Variants in TEKT1 observed in about 807,000 individuals in gnomAD.
TEKT1 encodes tektin-1.
TEKT1 carries 32 observed loss-of-function variants against 34.8 expected under a neutral mutation model. The observed-to-expected ratio is 0.92, with a 90% CI of 0.69 to 1.23. TEKT1 has a LOEUF of 1.23. Ranked by LOEUF, TEKT1 falls within the 50% of genes most tolerant of loss-of-function variation. The pLI, the probability that TEKT1 is intolerant of heterozygous loss-of-function variation, is 0.00. For missense variants in TEKT1, 492 were observed against 518.5 expected, an observed-to-expected ratio of 0.95 and a Z score of 0.50; for synonymous variants, 207 against 199.8, an observed-to-expected ratio of 1.04 and a Z score of -0.30.
chr17:6,808,163 A>C (rs1232112051), intron 6 of TEKT1, among the ~76,000 whole-genome samples: 2 of 152,176 alleles, frequency 1.3e-5, no homozygotes, highest in Non-Finnish European at 2.9e-5. Flanking sequence ...AGCCTCAGCA[A>C]TGACAGGCAC....
chr17:6,806,185 C>T lies in TEKT1; in HGVS notation c.853-5242G>A, dbSNP rs1308917685. ...CTGCATATATATTTAGGATAGTTAG[C>T]TCTTCTTGTTGAATTGATCCCTTTA... On this transcript the variant is annotated intron_variant, in intron 6 of 7. Transcript: ENST00000338694. 2.6e-5 allele frequency among the ~76,000 whole-genome samples: 4 copies of T among 152,268 alleles called. No homozygotes were observed. In the East Asian group the frequency reaches 7.7e-4, roughly 29 times the overall value.
chr17:6,813,054 C>A lies in TEKT1; in HGVS notation c.630-1G>T, dbSNP rs1976950841. 1.2e-6 allele frequency: 2 copies of A among 1,612,310 alleles called. No homozygotes were observed. The highest frequency in any genetic ancestry group is 1.7e-6 in the Non-Finnish European group (2 of 1,179,004). ...CAACCAGTCTTCCAGACTCACGGAG[C>A]TGAAACAGACCTCACGCTTTCATTC... On this transcript the variant is annotated splice_acceptor_variant, in intron 5 of 7. Coordinates refer to ENST00000338694, the MANE Select transcript of TEKT1 (RefSeq NM_053285.2). LOFTEE classifies it high-confidence loss of function.
chr17:6,830,155 T>C (rs372545795), intron 2 of TEKT1, 32 bp downstream of exon 2: 4 of 1,590,546 alleles, frequency 2.5e-6, no homozygotes, highest in South Asian at 1.2e-5. Flanking sequence ...CATCCTAGCA[T>C]GTTCACGAAT....
At chr17:6,817,155 C>T (rs1319565822) in intron 3 of TEKT1, among the ~76,000 whole-genome samples, 2 of 152,112 alleles carry the variant, frequency 1.3e-5, no homozygotes, top group African/African-American at 4.8e-5. Context: ...GCAGGTGGAT[C>T]GCCTGAGGTC....
intron 2 of TEKT1, among the ~76,000 whole-genome samples, chr17:6,828,700 G>A (rs1305872917): frequency 6.6e-6 from 1 of 152,074 alleles, no homozygotes; most frequent in African/African-American, 2.4e-5. Context: ...CCTATAGATA[G>A]TCGAGTTGGT....
chr17:6,800,637 T>C, intron 7 of TEKT1, 110 bp downstream of exon 7: 1 of 1,345,046 alleles, frequency 7.4e-7, no homozygotes, highest in Admixed American at 2.3e-5. Context: ...CCTCAAGCAT[T>C]CCAGAGCAGG....
In TEKT1 at chr17:6,819,323, C is replaced by G; in HGVS notation, c.226G>C (p.Glu76Gln). 1 of 1,613,978 alleles carries G rather than the reference C, an allele frequency of 6.2e-7. No homozygotes were observed. Among genetic ancestry groups the G allele is most frequent in the Non-Finnish European group, 8.5e-7 (1 of 1,179,944 alleles). ...AGCTGCTCAAGTTTGTCATCTAACTCCTTCTTCCAGAACTGGACTTCCTCG... is the reference window on the plus strand; with the variant it reads ...AGCTGCTCAAGTTTGTCATCTAACTGCTTCTTCCAGAACTGGACTTCCTCG... Reference protein sequence around the residue: ...RLEEVQFWKKELDDKLEQLVN... With the variant: ...RLEEVQFWKKQLDDKLEQLVN... Residue 76 changes from glutamate (E) to glutamine (Q), a missense_variant, in exon 3 of 8, where the codon GAG becomes CAG. By Grantham distance (29) the Glu-to-Gln change is conservative. Transcript: ENST00000338694.
chr17:6,800,920 C>G lies in TEKT1; in HGVS notation c.876G>C (p.Gln292His), dbSNP rs553126193. 8.1e-6 allele frequency: 13 copies of G among 1,613,808 alleles called. No homozygotes were observed. The East Asian group carries it at 1.1e-4, about 14-fold the overall frequency. ...TTTCAAGAGCTGTAATATTTTTCTC[C>G]TGGGAAGCAATCTCTTCCATGACCT... The part of the protein sequence containing the change: ...LAKVMEEIAS[Q>H]EKNITALEKA... The change falls in exon 7 of 8, where the codon CAG becomes CAC. Residue 292 changes from glutamine to histidine, a missense_variant. Transcript: ENST00000338694.
intron 2 of TEKT1, among the ~76,000 whole-genome samples, chr17:6,824,309 C>T (rs1395809664): frequency 1.3e-5 from 2 of 152,258 alleles, no homozygotes; most frequent in Non-Finnish European, 1.5e-5. Context: ...TGATTTCTGG[C>T]GTTACTTCTT....
chr17:6,800,338 G>T, intron 7 of TEKT1, 104 bp from the exon 8 acceptor site: 1 of 897,264 alleles, frequency 1.1e-6, no homozygotes, highest in Non-Finnish European at 1.7e-6. Context: ...AAATTGATAT[G>T]TGCTCTTCCC....
chr17:6,812,305 G>T (rs774339581), intron 6 of TEKT1, among the ~76,000 whole-genome samples: 2 of 152,002 alleles, frequency 1.3e-5, no homozygotes, highest in Non-Finnish European at 2.9e-5. Flanking sequence ...TCTTTACGGT[G>T]GTGTGAAAGT....
At chr17:6,831,329 C>A (rs1472403211) in intron 1 of TEKT1, among the ~76,000 whole-genome samples, 2 of 152,160 alleles carry the variant, frequency 1.3e-5, no homozygotes, top group Non-Finnish European at 2.9e-5. Flanking sequence ...CTCTTAGGGG[C>A]CTCTGGATCT....
chr17:6,799,998 T>C lies in TEKT1; in HGVS notation c.*29A>G, dbSNP rs1286975315. On this transcript the variant is annotated 3_prime_UTR_variant, in exon 8 of 8. Transcript: ENST00000338694. ...ACTGTAACTACTGTTTACAATGTGG[T>C]TTAATGAGAATTGGAACTAGCCCTA... 1.3e-6 allele frequency: 2 copies of C among 1,587,364 alleles called. No homozygotes were observed. Among genetic ancestry groups the C allele is most frequent in the Admixed American group, 1.7e-5 (1 of 58,944 alleles).
chr17:6,811,630 C>A lies in TEKT1; in HGVS notation c.852+1201G>T, dbSNP rs1976928956. Among the ~76,000 whole-genome samples, 1 of 152,120 alleles carries A rather than the reference C, an allele frequency of 6.6e-6. No homozygotes were observed. Among genetic ancestry groups the A allele is most frequent in the South Asian group, 2.1e-4 (1 of 4,822 alleles). Reference sequence around the variant, plus strand: ...TCTCCAGCACATCACAGAAATAAATCTTGTCCACAACTGGACTCTGAGCTC... The same window carrying A: ...TCTCCAGCACATCACAGAAATAAATATTGTCCACAACTGGACTCTGAGCTC... On this transcript the variant is annotated intron_variant, in intron 6 of 7. Transcript: ENST00000338694. The surrounding 1 kb of genome is among the most constrained non-coding windows in gnomAD (Gnocchi z 4.4).
rs111325160 is a variant in TEKT1 at position 6,826,900 on chromosome 17, C to T, written c.190+3287G>A. ...TTAGTAGAGATGGAGTTTCACCATG[C>T]TAGCCAGGATGGTCTCGCTGTCCTG... On this transcript the variant is annotated intron_variant, in intron 2 of 7. Coordinates refer to ENST00000338694, the MANE Select transcript of TEKT1 (RefSeq NM_053285.2). 5.9e-3 allele frequency among the ~76,000 whole-genome samples: 900 copies of T among 152,074 alleles called. 9 individuals are homozygous for T. The highest frequency in any genetic ancestry group is 0.032 in the East Asian group (163 of 5,160).
rs767259642 is a variant in TEKT1 at position 6,815,235 on chromosome 17, T to C, written c.557A>G (p.Asp186Gly). Residue 186 changes from aspartate (D) to glycine (G), a missense_variant, in exon 5 of 8, where the codon GAT (aspartate) becomes GGT (glycine). Physicochemically the swap from Asp to Gly is moderately conservative, Grantham distance 94. Transcript: ENST00000338694. ...KDKFVALTID[D>G]ICFSLNNNSP... ...GTTGTTGTTGAGCGAGAAGCAGATATCATCTATGGTCAGGGCCACAAACTT... is the reference window on the plus strand; with the variant it reads ...GTTGTTGTTGAGCGAGAAGCAGATACCATCTATGGTCAGGGCCACAAACTT... 3 of 1,614,120 alleles carry C rather than the reference T, an allele frequency of 1.9e-6. No individual in the cohort carries two copies. The highest frequency in any genetic ancestry group is 2.5e-6 in the Non-Finnish European group (3 of 1,180,050).
At chr17:6,813,672 TGGAG>T in intron 5 of TEKT1, among the ~76,000 whole-genome samples, 2 of 151,744 alleles carry the variant, frequency 1.3e-5, no homozygotes, top group Middle Eastern at 6.8e-3. Flanking sequence ...ACCTTCAGGA[TGGAG>T]GGAGGGACTA....
chr17:6,822,140 A>T (rs1567681215), intron 2 of TEKT1, among the ~76,000 whole-genome samples: 1 of 151,970 alleles, frequency 6.6e-6, no homozygotes, highest in East Asian at 1.9e-4. Context: ...CTGCTTCCTC[A>T]TCTTCTTCTT....
Position 6,820,239 on chromosome 17 carries a change from T to A in TEKT1, c.191-881A>T, listed in dbSNP as rs369067848. 5.9e-5 allele frequency among the ~76,000 whole-genome samples: 9 copies of A among 152,270 alleles called. No homozygotes were observed. The East Asian group carries it at 1.2e-3, about 20-fold the overall frequency. On this transcript the variant is annotated intron_variant, in intron 2 of 7. Coordinates refer to ENST00000338694, the MANE Select transcript of TEKT1 (RefSeq NM_053285.2). ...CTATCATACACTGTAATAAATTTCT[T>A]TTCTTACAAAATTTTCTGTTTTGGG... is the stretch of plus-strand genomic sequence containing the variant.
Sources: allele counts gnomAD v4.1 joint callset (sites outside exome capture counted in the v4.1 genomes callset), GRCh38; gene constraint gnomAD v4.1.1; non-coding constraint Gnocchi (gnomAD v3.1); transcripts MANE v1.5; gene names NCBI Gene and HGNC (gene_info 2026-07-23, HGNC 2026-07-21).